Variants in HOOK3 observed in about 807,000 individuals in gnomAD.
The protein encoded by HOOK3 is protein Hook homolog 3.
In HOOK3, 24 loss-of-function variants were observed where a neutral mutation model predicts 116.3. The observed-to-expected ratio is 0.21, with a 90% confidence interval of 0.15 to 0.29. HOOK3 has a LOEUF of 0.29. HOOK3 is among the 10% of genes least tolerant of loss of function. The pLI is 1.00. For missense variants in HOOK3, 632 were observed against 830.2 expected, an observed-to-expected ratio of 0.76 and a Z score of 2.93; for synonymous variants, 275 against 283.0, an observed-to-expected ratio of 0.97 and a Z score of 0.28.
chr8:42,911,675 T>G (rs192933007), intron 2 of HOOK3, among the ~76,000 whole-genome samples: 56 of 152,126 alleles, frequency 3.7e-4, no homozygotes, highest in Non-Finnish European at 8.8e-5. Flanking sequence ...TGAAGACAAG[T>G]GGGTGGACTC....
At chr8:42,907,816 C>CAAAAAAAAA (rs71550426) in intron 2 of HOOK3, among the ~76,000 whole-genome samples, 11 of 46,178 alleles carry the variant, frequency 2.4e-4, no homozygotes, top group Admixed American at 3.1e-4. Flanking sequence ...AGCAACGAGG[C>CAAAAAAAAA]AAAAAAAAAA....
intron 2 of HOOK3, among the ~76,000 whole-genome samples, chr8:42,914,428 A>G (rs1195835249): frequency 2.6e-5 from 4 of 152,158 alleles, no homozygotes; most frequent in African/African-American, 9.7e-5. Context: ...ATAATATGTA[A>G]TCCATCCACA....
chr8:42,986,923 C>T, intron 15 of HOOK3, 128 bp downstream of exon 15: 1 of 911,454 alleles, frequency 1.1e-6, no homozygotes, highest in Non-Finnish European at 1.7e-6. Context: ...TTGGGAGGCC[C>T]AGGAGGGCAG....
intron 15 of HOOK3, among the ~76,000 whole-genome samples, chr8:42,993,193 G>C (rs1019192996): frequency 5.9e-5 from 9 of 152,148 alleles, no homozygotes; most frequent in Non-Finnish European, 1.5e-5. Flanking sequence ...TTTTTAATGT[G>C]TTGTTGAATT....
chr8:42,999,557 C>T (rs1809341103), intron 16 of HOOK3, among the ~76,000 whole-genome samples: 1 of 151,982 alleles, frequency 6.6e-6, no homozygotes, highest in Non-Finnish European at 1.5e-5. Context: ...CGGGAATGTG[C>T]AACACATAAA....
At chr8:42,912,867 A>G (rs1807458973) in intron 2 of HOOK3, among the ~76,000 whole-genome samples, 1 of 152,206 alleles carries the variant, frequency 6.6e-6, no homozygotes, top group African/African-American at 2.4e-5. Flanking sequence ...ATAACAGAAT[A>G]GTTTCTCTGC....
chr8:43,005,214 A>ATATAAT (rs1809459430), intron 17 of HOOK3, among the ~76,000 whole-genome samples: 55 of 63,180 alleles, frequency 8.7e-4, no homozygotes, highest in African/African-American at 2.1e-3. Context: ...TATATATATA[A>ATATAAT]TTTTTTTTTT....
Position 42,982,654 on chromosome 8 carries a change from C to G in HOOK3, c.1349C>G (p.Ser450Cys). 6.2e-7 allele frequency: 1 copy of G among 1,612,734 alleles called. No homozygotes were observed. Among genetic ancestry groups the G allele is most frequent in the Non-Finnish European group, 8.5e-7 (1 of 1,178,872 alleles). ...TTAATGCCTCTTGGAAGTCAGGAGT[C>G]TTCAGACAGTCTAGCTGCAGAGATT... ...QGLMPLGSQE[S>C]SDSLAAEIVT... Residue 450 changes from serine to cysteine, a missense_variant, in exon 14 of 22, where the codon TCT (serine) becomes TGT (cysteine). Ser to Cys is a moderately radical substitution (Grantham distance 112). Coordinates refer to ENST00000307602, the MANE Select transcript of HOOK3 (RefSeq NM_032410.4).
At chr8:42,912,258 T>G (rs1293016998) in intron 2 of HOOK3, among the ~76,000 whole-genome samples, 1 of 152,200 alleles carries the variant, frequency 6.6e-6, no homozygotes, top group Non-Finnish European at 1.5e-5. Flanking sequence ...TGGATCTAAG[T>G]ATGCTTTTTG....
chr8:42,924,368 T>C (rs1178952462), intron 2 of HOOK3, among the ~76,000 whole-genome samples: 1 of 139,756 alleles, frequency 7.2e-6, no homozygotes, highest in African/African-American at 2.6e-5. Context: ...ATTAGAAATA[T>C]GGGAAATTTT....
rs191946581 is a variant in HOOK3 at position 43,021,699 on chromosome 8, C to T, written c.*3201C>T. On this transcript the variant is annotated 3_prime_UTR_variant, in exon 22 of 22. Coordinates refer to ENST00000307602, the MANE Select transcript of HOOK3 (RefSeq NM_032410.4). ...TTTTTTTTTTTGTGAGATGATGTCT[C>T]GCTCTGTCACCCAGGCTGGAGTGCA... 148 of 159,656 alleles carry T rather than the reference C, an allele frequency of 9.3e-4. No homozygotes were observed. The highest frequency in any genetic ancestry group is 3.5e-3 in the African/African-American group (140 of 40,028). The allele number at this position is 159,656 out of a possible 1,614,324, so 9.9% of individuals were successfully genotyped here.
In HOOK3 at chr8:42,943,370, C is replaced by A; in HGVS notation, c.325C>A (p.His109Asn). Residue 109 changes from histidine (H) to asparagine (N), a missense_variant, in exon 5 of 22, where the codon CAT becomes AAT. Around this residue, in one of 3 missense-constraint regions of HOOK3, gnomAD observed 141 missense variants for 150.8 expected, o/e 0.93. Transcript: ENST00000307602. Reference sequence around the variant, plus strand: ...TCCTGATGTGAACCTTATTGGGGAGCATTCTGATGCAGCAGAGCTTGGAAG... The same window carrying A: ...TCCTGATGTGAACCTTATTGGGGAGAATTCTGATGCAGCAGAGCTTGGAAG... ...TLPDVNLIGEHSDAAELGRML... is the reference protein window; with the variant it reads ...TLPDVNLIGENSDAAELGRML... The A allele has an allele frequency of 6.4e-7, 1 of 1,566,512 alleles. No homozygotes were observed. The highest frequency in any genetic ancestry group is 8.7e-7 in the Non-Finnish European group (1 of 1,154,590).
At chr8:42,977,867 C>T (rs1361543726) in intron 13 of HOOK3, among the ~76,000 whole-genome samples, 1 of 150,724 alleles carries the variant, frequency 6.6e-6, no homozygotes, top group Non-Finnish European at 1.5e-5. Flanking sequence ...ACTCTGTCTC[C>T]AAAAAAAGAA....
chr8:42,995,103 A>ATTT (rs1337661956), intron 15 of HOOK3, among the ~76,000 whole-genome samples: 3 of 152,178 alleles, frequency 2.0e-5, no homozygotes, highest in Non-Finnish European at 4.4e-5. Context: ...AACCACTCAG[A>ATTT]TTTTTTTACC....
At position 43,027,642 on chromosome 8, in the gene HOOK3, C is replaced by G; in HGVS notation, c.*9144C>G. On this transcript the variant is annotated 3_prime_UTR_variant, in exon 22 of 22. Transcript: ENST00000307602. ...ACACATAAGGACGAAATACAATGTT[C>G]TGAATATCTTCCACTAATTAATTGT... 4.7e-6 allele frequency: 1 copy of G among 214,390 alleles called. No homozygotes were observed. Among genetic ancestry groups the G allele is most frequent in the Non-Finnish European group, 9.6e-6 (1 of 104,638 alleles). The allele number at this position is 214,390 out of a possible 1,614,324, so 13.3% of individuals were successfully genotyped here.
intron 1 of HOOK3, among the ~76,000 whole-genome samples, chr8:42,903,953 C>G (rs1034428385): frequency 6.6e-6 from 1 of 151,856 alleles, no homozygotes; most frequent in African/African-American, 2.4e-5. Flanking sequence ...GAGACTCCGT[C>G]TGAAAAACAA....
At chr8:42,908,135 A>G (rs1439603055) in intron 2 of HOOK3, among the ~76,000 whole-genome samples, 1 of 152,240 alleles carries the variant, frequency 6.6e-6, no homozygotes, top group Non-Finnish European at 1.5e-5. Flanking sequence ...AGAGCCATAC[A>G]TTGAAAACTG....
At chr8:43,017,485 TG>T (rs532817127) in intron 21 of HOOK3, among the ~76,000 whole-genome samples, 42 of 152,224 alleles carry the variant, frequency 2.8e-4, no homozygotes, top group African/African-American at 8.9e-4. Context: ...AGGCTGGTCT[TG>T]AGCTTCTAGC....
At chr8:42,962,407 G>GTTTT (rs763537584) in intron 8 of HOOK3, among the ~76,000 whole-genome samples, 4 of 127,638 alleles carry the variant, frequency 3.1e-5, no homozygotes, top group African/African-American at 1.1e-4. Flanking sequence ...TGGCCCGTGT[G>GTTTT]TTTTTTTTTT....
Sources: gnomAD v4.1 joint callset for allele counts (sites outside exome capture counted in the v4.1 genomes callset) on GRCh38, gnomAD v4.1.1 for gene constraint, gnomAD v4.1.1 regional missense constraint, MANE v1.5 for transcripts, NCBI Gene and HGNC (gene_info 2026-07-23, HGNC 2026-07-21) for gene names.